The following DYRK3 variants were observed in gnomAD, a reference collection of about 807,000 sequenced individuals.
DYRK3 encodes the protein dual specificity tyrosine phosphorylation regulated kinase 3.
DYRK3 carries 30 observed loss-of-function variants against 40.8 expected under a neutral mutation model. The ratio of observed to expected loss-of-function variants is 0.74; its 90% CI spans 0.55 to 1.00. The LOEUF is 1.00. Ranked by LOEUF, DYRK3 falls within the 50% of genes least tolerant of loss-of-function variation. The pLI is 0.00. For missense variants in DYRK3, 699 were observed against 731.5 expected (o/e 0.96, Z 0.51); for synonymous variants, 272 against 260.7 (o/e 1.04, Z -0.42).
chr1:206,638,904 C>A (rs1420753831), intron 2 of DYRK3, among the ~76,000 whole-genome samples: 2 of 141,138 alleles, frequency 1.4e-5, no homozygotes, highest in Non-Finnish European at 3.0e-5. Flanking sequence ...TCCTGAGACG[C>A]AGTCTTACTC....
At position 206,654,325 on chromosome 1, in the gene DYRK3, G is replaced by A. The variant is rs1028889907; in HGVS notation, c.*5360G>A. Among the ~76,000 whole-genome samples the A allele has an allele frequency of 7.9e-5, 12 of 152,184 alleles. No homozygotes were observed. Among genetic ancestry groups the A allele is most frequent in the Admixed American group, 1.3e-4 (2 of 15,282 alleles). Reference sequence around the variant, plus strand: ...GAATTGCCAGAACATGTTTTCCTCCGTGTCTTCGGTCTAGATGACCAATCT... The same window carrying A: ...GAATTGCCAGAACATGTTTTCCTCCATGTCTTCGGTCTAGATGACCAATCT... On this transcript the variant is annotated 3_prime_UTR_variant, in exon 3 of 3. Coordinates refer to ENST00000367109, the MANE Select transcript of DYRK3 (RefSeq NM_003582.4).
rs1671496369 is a variant in DYRK3, at chr1:206,647,710, T to C, written c.512T>C (p.Val171Ala). ...EIINYPEIYF[V>A]GPNAKKRHGV... ...ATTAATTATCCAGAAATTTACTTTG[T>C]AGGTCCAAATGCCAAGAAAAGACAT... Residue 171 changes from valine to alanine, a missense_variant, in exon 3 of 3, where the codon GTA becomes GCA. By Grantham distance (64) the Val-to-Ala change is moderately conservative. Coordinates refer to ENST00000367109, the MANE Select transcript of DYRK3 (RefSeq NM_003582.4). The C allele has an allele frequency of 6.2e-7, 1 of 1,614,160 alleles. No homozygotes were observed. Among genetic ancestry groups the C allele is most frequent in the African/African-American group, 1.3e-5 (1 of 75,028 alleles).
intron 2 of DYRK3, among the ~76,000 whole-genome samples, chr1:206,638,264 A>G (rs1248189539): frequency 7.3e-6 from 1 of 136,164 alleles, no homozygotes; most frequent in Non-Finnish European, 1.5e-5. Context: ...GACTGCAGAC[A>G]CTTAGCTTTT....
intron 2 of DYRK3, among the ~76,000 whole-genome samples, chr1:206,645,415 GACTTCCTTTTATTTA>G (rs1553419935): frequency 1.5e-5 from 1 of 65,002 alleles, no homozygotes; most frequent in Non-Finnish European, 4.1e-5. Context: ...AAGTATCCTA[GACTTCCTTTTATTTA>G]TCCTAGACTT....
At chr1:206,636,794 C>G in intron 1 of DYRK3, 1 of 829,322 alleles carries the variant, frequency 1.2e-6, no homozygotes, top group Non-Finnish European at 1.8e-6. Context: ...AATCCGTGTT[C>G]TTGGTAGCAG....
rs1553420913 is a variant in DYRK3 at position 206,648,924 on chromosome 1, A to G, written c.1726A>G (p.Ser576Gly). 1 of 1,614,122 alleles carries G rather than the reference A, an allele frequency of 6.2e-7. No individual in the cohort carries two copies. Among genetic ancestry groups the G allele is most frequent in the East Asian group, 2.2e-5 (1 of 44,878 alleles). ...KANLMSETNGSIPLCSVLPKL... is the reference protein window; with the variant it reads ...KANLMSETNGGIPLCSVLPKL... ...TAACTTAATGTCAGAAACCAATGGT[A>G]GTATACCCCTATGCAGTGTATTGCC... Residue 576 changes from serine (S) to glycine (G), a missense_variant, in exon 3 of 3, where the codon AGT (serine) becomes GGT (glycine). Coordinates refer to ENST00000367109, the MANE Select transcript of DYRK3 (RefSeq NM_003582.4).
intron 1 of DYRK3, 65 bp downstream of exon 1, chr1:206,635,845 G>C (rs1671088405): frequency 8.1e-7 from 1 of 1,240,892 alleles, no homozygotes. Flanking sequence ...GGCAAGCGAA[G>C]CTTGGGGGTG....
chr1:206,653,308 G>A lies in DYRK3; in HGVS notation c.*4343G>A, dbSNP rs566271309. Reference sequence around the variant, plus strand: ...GCTGGGATTATAGGTGTGAGCGACCGTGCCCAGCCTCATTTTTTCTTTCAA... The same window carrying A: ...GCTGGGATTATAGGTGTGAGCGACCATGCCCAGCCTCATTTTTTCTTTCAA... On this transcript the variant is annotated 3_prime_UTR_variant, in exon 3 of 3. Coordinates refer to ENST00000367109, the MANE Select transcript of DYRK3 (RefSeq NM_003582.4). Among the ~76,000 whole-genome samples the A allele has an allele frequency of 4.6e-5, 7 of 152,182 alleles. No individual in the cohort carries two copies. The highest frequency in any genetic ancestry group is 7.2e-5 in the African/African-American group (3 of 41,520).
In DYRK3 at chr1:206,635,580, C is replaced by T; in HGVS notation, c.-124C>T. 1 of 1,158,644 alleles carries T rather than the reference C, an allele frequency of 8.6e-7. No individual in the cohort carries two copies. The highest frequency in any genetic ancestry group is 1.1e-6 in the Non-Finnish European group (1 of 920,826). 71.8% of individuals were successfully genotyped at this position (1,158,644 alleles called of 1,614,324 possible). On this transcript the variant is annotated 5_prime_UTR_variant, in exon 1 of 3. Coordinates refer to ENST00000367109, the MANE Select transcript of DYRK3 (RefSeq NM_003582.4). ...TCGGGAGCGAAAGTGCGCTGAGCTG[C>T]AGTGTCTGGTCGAGAGTACCCGTGG...
chr1:206,651,264 A>G lies in DYRK3; in HGVS notation c.*2299A>G, dbSNP rs1671625387. Reference sequence around the variant, plus strand: ...TACCTCATGATCTGCTAGTCGAGATAGTGACTCTTTGGAAGTTGGTAGTCC... The same window carrying G: ...TACCTCATGATCTGCTAGTCGAGATGGTGACTCTTTGGAAGTTGGTAGTCC... On this transcript the variant is annotated 3_prime_UTR_variant, in exon 3 of 3. Coordinates refer to ENST00000367109, the MANE Select transcript of DYRK3 (RefSeq NM_003582.4). 6.6e-6 allele frequency among the ~76,000 whole-genome samples: 1 copy of G among 152,228 alleles called. No individual in the cohort carries two copies. Among genetic ancestry groups the G allele is most frequent in the Admixed American group, 6.5e-5 (1 of 15,278 alleles).
chr1:206,655,149 G>A lies in DYRK3; in HGVS notation c.*6184G>A, dbSNP rs1671721770. Reference sequence around the variant, plus strand: ...GTTTTTTAAAAAATAAAAATGAATTGCTTTGAGAATTTTTTAGCATCCTGA... The same window carrying A: ...GTTTTTTAAAAAATAAAAATGAATTACTTTGAGAATTTTTTAGCATCCTGA... On this transcript the variant is annotated 3_prime_UTR_variant, in exon 3 of 3. Transcript: ENST00000367109. Among the ~76,000 whole-genome samples the A allele has an allele frequency of 6.6e-6, 1 of 152,198 alleles. No homozygotes were observed. The highest frequency in any genetic ancestry group is 2.1e-4 in the South Asian group (1 of 4,832).
Position 206,647,624 on chromosome 1 carries a change from T to A in DYRK3, c.426T>A (p.Thr142=). The A allele has an allele frequency of 6.2e-7, 1 of 1,614,138 alleles. No individual in the cohort carries two copies. ...AGGCACCCAAAGTGGTGCCTCTGAC[T>A]CCAGAACAAGCCCTGAAGCAATATA... is the stretch of plus-strand genomic sequence containing the variant. The part of the protein sequence containing the change: ...SSKAPKVVPL[T]PEQALKQYKH... The change falls in exon 3 of 3, where the codon ACT becomes ACA. Residue 142 remains threonine, a synonymous_variant. Coordinates refer to ENST00000367109, the MANE Select transcript of DYRK3 (RefSeq NM_003582.4).
In DYRK3 at chr1:206,647,531, C is replaced by G; in HGVS notation, c.333C>G (p.Cys111Trp). 1.2e-6 allele frequency: 2 copies of G among 1,614,138 alleles called. No homozygotes were observed. The highest frequency in any genetic ancestry group is 1.7e-6 in the Non-Finnish European group (2 of 1,180,022). Residue 111 changes from cysteine to tryptophan, a missense_variant, in exon 3 of 3, where the codon TGC becomes TGG. Physicochemically the swap from Cys to Trp is radical, Grantham distance 215. Coordinates refer to ENST00000367109, the MANE Select transcript of DYRK3 (RefSeq NM_003582.4). ...ATGGCATCAGTGACTCTGAAAAATGCTCTCCTACTGTTTCTCAGGGTAAAA... is the reference window on the plus strand; with the variant it reads ...ATGGCATCAGTGACTCTGAAAAATGGTCTCCTACTGTTTCTCAGGGTAAAA... ...QSDGISDSEK[C>W]SPTVSQGKSS...
At chr1:206,636,162 A>G (rs372186216) in intron 1 of DYRK3, 2 of 920,436 alleles carry the variant, frequency 2.2e-6, no homozygotes, top group African/African-American at 3.3e-5. Context: ...CTTAGAGCGG[A>G]TAACCAACGG....
rs1212369566 is a variant in DYRK3 at position 206,652,961 on chromosome 1, T to C, written c.*3996T>C. ...GACAAATTTTAATTTCCAAGTTGTTTCTGACACGGTGAGAGTTGGGTTAGA... is the reference window on the plus strand; with the variant it reads ...GACAAATTTTAATTTCCAAGTTGTTCCTGACACGGTGAGAGTTGGGTTAGA... On this transcript the variant is annotated 3_prime_UTR_variant, in exon 3 of 3. Coordinates refer to ENST00000367109, the MANE Select transcript of DYRK3 (RefSeq NM_003582.4). Among the ~76,000 whole-genome samples, 1 of 152,260 alleles carries C rather than the reference T, an allele frequency of 6.6e-6. No individual in the cohort carries two copies. Among genetic ancestry groups the C allele is most frequent in the Non-Finnish European group, 1.5e-5 (1 of 68,044 alleles).
Position 206,650,897 on chromosome 1 carries a change from T to G in DYRK3, c.*1932T>G, listed in dbSNP as rs1199606884. ...GCTTAAACTGAGCCTTCAGCCTCAT[T>G]AATAGGAGGAAGTCTTGGTACTTTT... On this transcript the variant is annotated 3_prime_UTR_variant, in exon 3 of 3. Transcript: ENST00000367109. 6.6e-6 allele frequency among the ~76,000 whole-genome samples: 1 copy of G among 152,200 alleles called. No individual in the cohort carries two copies. Among genetic ancestry groups the G allele is most frequent in the South Asian group, 2.1e-4 (1 of 4,826 alleles).
chr1:206,638,681 A>G (rs574970208), intron 2 of DYRK3, among the ~76,000 whole-genome samples: 2 of 151,952 alleles, frequency 1.3e-5, no homozygotes, highest in Non-Finnish European at 2.9e-5. Context: ...AAGAGAGGCT[A>G]TCCTATGACT....
rs923498951 is a variant in DYRK3 at position 206,648,273 on chromosome 1, A to G, written c.1075A>G (p.Ser359Gly). The change falls in exon 3 of 3, where the codon AGC becomes GGC. Residue 359 changes from serine (S) to glycine (G), a missense_variant. Coordinates refer to ENST00000367109, the MANE Select transcript of DYRK3 (RefSeq NM_003582.4). ...SSTKVIDFGS[S>G]CFEYQKLYTY... is the part of the protein sequence containing the mutation. ...AACCAAGGTCATTGACTTTGGGTCC[A>G]GCTGTTTCGAGTACCAGAAGCTCTA... 2.5e-6 allele frequency: 4 copies of G among 1,614,128 alleles called. No homozygotes were observed. The highest frequency in any genetic ancestry group is 1.6e-4 in the Middle Eastern group (1 of 6,062).
chr1:206,646,760 A>G (rs1474879500), intron 2 of DYRK3, among the ~76,000 whole-genome samples: 2 of 152,264 alleles, frequency 1.3e-5, no homozygotes, highest in Non-Finnish European at 2.9e-5. Flanking sequence ...GCCCTTGAAT[A>G]GGAGCCAGAA....
Sources: allele counts gnomAD v4.1 joint callset (sites outside exome capture counted in the v4.1 genomes callset), GRCh38; gene constraint gnomAD v4.1.1; transcripts MANE v1.5; gene names NCBI Gene and HGNC (gene_info 2026-07-23, HGNC 2026-07-21).